The following KLF12 variants were observed in gnomAD, a reference collection of about 807,000 sequenced individuals.
KLF12 encodes the protein KLF transcription factor 12.
In KLF12, 9 loss-of-function variants were observed where a neutral mutation model predicts 37.8. That is an observed-to-expected ratio of 0.24 (90% confidence interval 0.14 to 0.42). KLF12 has a LOEUF of 0.42. Ranked by LOEUF, KLF12 falls within the 10% of genes least tolerant of loss-of-function variation. The pLI is 1.00. For synonymous variants in KLF12, 208 were observed against 202.1 expected (o/e 1.03, Z -0.25); for missense variants, 411 against 516.0 (o/e 0.80, Z 1.97).
rs1006881971 is a variant in KLF12 at position 73,694,184 on chromosome 13, C to T, written c.*1306G>A. 1 of 152,616 alleles carries T rather than the reference C, an allele frequency of 6.6e-6. No individual in the cohort carries two copies. The highest frequency in any genetic ancestry group is 2.4e-5 in the African/African-American group (1 of 41,458). 9.5% of individuals were successfully genotyped at this position (152,616 alleles called of 1,614,324 possible). On this transcript the variant is annotated 3_prime_UTR_variant, in exon 8 of 8. Transcript: ENST00000377669. ...CTTTCTATGGGAAGCATTCTCTTTC[C>T]ACTGATTCAGTTCCAAGGAGAACTG...
intron 5 of KLF12, among the ~76,000 whole-genome samples, chr13:73,775,911 G>T (rs1880579598): frequency 6.6e-6 from 1 of 152,168 alleles, no homozygotes; most frequent in African/African-American, 2.4e-5. Context: ...TCAAGAAGGT[G>T]TTATAGCTCA....
intron 1 of KLF12, among the ~76,000 whole-genome samples, chr13:74,086,526 A>C (rs893750849): frequency 1.3e-5 from 2 of 152,148 alleles, no homozygotes; most frequent in African/African-American, 4.8e-5. Flanking sequence ...ATTGTTGGAC[A>C]TTTGGGTTGG....
chr13:73,990,821 A>G (rs1201660320), intron 2 of KLF12, among the ~76,000 whole-genome samples: 1 of 152,178 alleles, frequency 6.6e-6, no homozygotes, highest in Non-Finnish European at 1.5e-5. Context: ...AAACTAAAAA[A>G]TATTCTTTGT....
intron 3 of KLF12, among the ~76,000 whole-genome samples, chr13:73,871,442 G>A (rs551871575): frequency 1.3e-5 from 2 of 152,154 alleles, no homozygotes; most frequent in Non-Finnish European, 2.9e-5. Flanking sequence ...TTAAGAGACT[G>A]GAAAAGAGAA....
rs1399069612 is a variant in KLF12, at chr13:73,856,352, A to C, written c.124-9979T>G. On this transcript the variant is annotated intron_variant, in intron 3 of 7. Coordinates refer to ENST00000377669, the MANE Select transcript of KLF12 (RefSeq NM_007249.5). The stretch of plus-strand genomic sequence containing the variant: ...AACAAGAATTTTAAAAAATGATCAC[A>C]GCAATGCTGACAAGGATGTAGGAAA... Among the ~76,000 whole-genome samples, 3 of 152,234 alleles carry C rather than the reference A, an allele frequency of 2.0e-5. No homozygotes were observed. In the East Asian group the frequency reaches 5.8e-4, roughly 29 times the overall value.
At chr13:73,772,561 G>A (rs1357713607) in intron 5 of KLF12, among the ~76,000 whole-genome samples, 1 of 152,212 alleles carries the variant, frequency 6.6e-6, no homozygotes, top group Non-Finnish European at 1.5e-5. Flanking sequence ...AAGCACCAAA[G>A]GGTAGGAATG....
chr13:74,026,631 TTTTACTATA>T (rs1892982923), intron 1 of KLF12, among the ~76,000 whole-genome samples: 1 of 152,204 alleles, frequency 6.6e-6, no homozygotes, highest in Non-Finnish European at 1.5e-5. Context: ...GTTACATGTA[TTTTACTATA>T]ATTAAAAACA....
the KLF12 span, among the ~76,000 whole-genome samples, chr13:74,172,579 T>C: frequency 1.3e-5 from 2 of 152,206 alleles, no homozygotes; most frequent in African/African-American, 4.8e-5. Context: ...AGATATCTTA[T>C]GCTTTCACAA....
the KLF12 span, among the ~76,000 whole-genome samples, chr13:74,220,851 C>T: frequency 1.3e-5 from 2 of 152,268 alleles, no homozygotes; most frequent in African/African-American, 4.8e-5. Flanking sequence ...GGATTTTCTT[C>T]TTTTTAAACG....
At chr13:73,852,654 G>A (rs994005581) in intron 3 of KLF12, among the ~76,000 whole-genome samples, 4 of 151,986 alleles carry the variant, frequency 2.6e-5, no homozygotes, top group African/African-American at 9.6e-5. Context: ...GCGCGTGCCT[G>A]TAATCTCAGC....
intron 1 of KLF12, among the ~76,000 whole-genome samples, chr13:74,094,322 T>C (rs887167901): frequency 1.3e-5 from 2 of 152,198 alleles, no homozygotes; most frequent in Non-Finnish European, 2.9e-5. Context: ...AAAATAGTTC[T>C]TGGCTTTAAA....
At chr13:73,897,658 C>T (rs1887849518) in intron 3 of KLF12, among the ~76,000 whole-genome samples, 1 of 152,190 alleles carries the variant, frequency 6.6e-6, no homozygotes, top group South Asian at 2.1e-4. Context: ...ACCTGTTACA[C>T]ATCCCTATTC....
chr13:74,214,370 C>T, the KLF12 span, among the ~76,000 whole-genome samples: 11 of 152,024 alleles, frequency 7.2e-5, no homozygotes, highest in Non-Finnish European at 1.6e-4. Context: ...CTCCTCTGTT[C>T]TGGCTTCCTT....
the KLF12 span, among the ~76,000 whole-genome samples, chr13:74,189,976 C>T: frequency 1.3e-5 from 2 of 151,786 alleles, no homozygotes; most frequent in Non-Finnish European, 2.9e-5. Flanking sequence ...GAATGCAAAA[C>T]GTTATTTAAC....
the KLF12 span, among the ~76,000 whole-genome samples, chr13:74,233,267 C>CT: frequency 6.6e-6 from 1 of 152,072 alleles, no homozygotes; most frequent in Non-Finnish European, 1.5e-5. Flanking sequence ...GAACTTTTTA[C>CT]TTTTTTGCGA....
chr13:73,953,970 C>CTTTCT (rs1437808345), intron 2 of KLF12, among the ~76,000 whole-genome samples: 2 of 88,534 alleles, frequency 2.3e-5, no homozygotes, highest in African/African-American at 8.8e-5. Context: ...TTTTTTCTTT[C>CTTTCT]TTTTTTTTTT....
chr13:73,797,306 C>T (rs2138314675), intron 5 of KLF12, among the ~76,000 whole-genome samples: 1 of 152,328 alleles, frequency 6.6e-6, no homozygotes, highest in Admixed American at 6.5e-5. Context: ...GTATCAAACT[C>T]CTTCACTCAC....
intron 1 of KLF12, among the ~76,000 whole-genome samples, chr13:74,042,303 C>CAA (rs547433221): frequency 8.6e-4 from 64 of 74,504 alleles, no homozygotes; most frequent in East Asian, 1.9e-3. Flanking sequence ...GACTCCATCT[C>CAA]AAAAAAAAAA....
chr13:74,097,206 G>A (rs1406093133), intron 1 of KLF12, among the ~76,000 whole-genome samples: 1 of 152,158 alleles, frequency 6.6e-6, no homozygotes, highest in African/African-American at 2.4e-5. Context: ...AGGACTTTAT[G>A]ACCAGTGTAT....
Sources: gnomAD v4.1 joint callset for allele counts (sites outside exome capture counted in the v4.1 genomes callset) on GRCh38, gnomAD v4.1.1 for gene constraint, MANE v1.5 for transcripts, NCBI Gene and HGNC (gene_info 2026-07-23, HGNC 2026-07-21) for gene names.